The following MAN2A1 variants were observed in gnomAD, a reference collection of about 807,000 sequenced individuals.
The protein encoded by MAN2A1 is mannosidase alpha class 2A member 1.
In MAN2A1, 76 loss-of-function variants were observed where a neutral mutation model predicts 142.6. The ratio of observed to expected loss-of-function variants is 0.53; its 90% confidence interval spans 0.44 to 0.65. The LOEUF (loss-of-function observed/expected upper bound fraction) is 0.65. Ranked by LOEUF, MAN2A1 falls within the 30% of genes least tolerant of loss-of-function variation. The pLI is 0.00. For missense variants in MAN2A1, 1,311 were observed against 1,365.1 expected (o/e 0.96, Z 0.62); for synonymous variants, 559 against 473.2 (o/e 1.18, Z -2.35).
chr5:109,849,751 T>C (rs112256633), intron 19 of MAN2A1, among the ~76,000 whole-genome samples: 2,874 of 152,018 alleles, frequency 0.019, 36 homozygotes, highest in Middle Eastern at 0.071. Flanking sequence ...TATTGCTTCC[T>C]GTTGAACCCT....
intron 9 of MAN2A1, among the ~76,000 whole-genome samples, chr5:109,782,789 A>G (rs960352684): frequency 6.6e-6 from 1 of 152,110 alleles, no homozygotes. Context: ...TCATTATTAT[A>G]GATACATATT....
chr5:109,740,099 CTG>C (rs1228973336), intron 4 of MAN2A1, among the ~76,000 whole-genome samples: 1 of 152,158 alleles, frequency 6.6e-6, no homozygotes, highest in Non-Finnish European at 1.5e-5. Flanking sequence ...GTCTTCAGTT[CTG>C]TGTGTTCAAG....
chr5:109,700,500 A>G (rs1750948126), intron 1 of MAN2A1, among the ~76,000 whole-genome samples: 1 of 152,146 alleles, frequency 6.6e-6, no homozygotes, highest in African/African-American at 2.4e-5. Context: ...CTTGGTGGTA[A>G]CATTTTACCT....
intron 16 of MAN2A1, among the ~76,000 whole-genome samples, chr5:109,833,254 T>G (rs559719722): frequency 2.0e-5 from 3 of 151,154 alleles, no homozygotes; most frequent in East Asian, 2.0e-4. Flanking sequence ...CGCTCCTCGC[T>G]TCCCAGACAG....
chr5:109,833,655 C>T lies in MAN2A1; in HGVS notation c.2567-8673C>T, dbSNP rs142637732. On this transcript the variant is annotated intron_variant, in intron 16 of 21. Transcript: ENST00000261483. ...GCCTCTGCTCGGCATCAGAGGGAGACGGTGGAGAGAGAGGGAGAGGGAGAG... is the reference window on the plus strand; with the variant it reads ...GCCTCTGCTCGGCATCAGAGGGAGATGGTGGAGAGAGAGGGAGAGGGAGAG... 3.5e-4 allele frequency among the ~76,000 whole-genome samples: 29 copies of T among 81,774 alleles called. No homozygotes were observed. The Admixed American group carries it at 4.9e-3, about 14-fold the overall frequency. The allele number at this position is 81,774 out of a possible 152,430, so 53.6% of individuals were successfully genotyped here. A position where few individuals can be genotyped will look rare whatever the true frequency, so the allele number is the denominator to read the frequency against.
chr5:109,716,691 T>G (rs1751461766), intron 3 of MAN2A1, among the ~76,000 whole-genome samples: 1 of 152,178 alleles, frequency 6.6e-6, no homozygotes, highest in Admixed American at 6.5e-5. Flanking sequence ...TTAAGAACCT[T>G]GGTGTTGATT....
At chr5:109,847,006 AT>A (rs1245495072) in intron 18 of MAN2A1, among the ~76,000 whole-genome samples, 3 of 151,286 alleles carry the variant, frequency 2.0e-5, no homozygotes, top group Non-Finnish European at 3.0e-5. Flanking sequence ...GCTAAATTCA[AT>A]TTTTTTTTGA....
chr5:109,773,008 G>A (rs1397869959), intron 7 of MAN2A1, among the ~76,000 whole-genome samples: 1 of 152,054 alleles, frequency 6.6e-6, no homozygotes, highest in East Asian at 1.9e-4. Context: ...TTGATGTTTC[G>A]GGGATTTTAT....
At chr5:109,800,073 G>T (rs1490571379) in intron 12 of MAN2A1, among the ~76,000 whole-genome samples, 1 of 136,764 alleles carries the variant, frequency 7.3e-6, no homozygotes, top group Non-Finnish European at 1.5e-5. Flanking sequence ...GGGCAACAGA[G>T]TGAGACTGTT....
chr5:109,789,475 T>G lies in MAN2A1; in HGVS notation c.1891T>G (p.Ser631Ala). 1.9e-6 allele frequency: 3 copies of G among 1,586,308 alleles called. No individual in the cohort carries two copies. Among genetic ancestry groups the G allele is most frequent in the African/African-American group, 1.4e-5 (1 of 74,052 alleles). The stretch of plus-strand genomic sequence containing the variant: ...ATTTTTATAGGATTTGAAACAAAAA[T>G]CACAAGATTCTCTGCCACAAAAAAA... ...TFLEMDLKQK[S>A]QDSLPQKNII... is the part of the protein sequence containing the mutation. Residue 631 changes from serine to alanine, a missense_variant, in exon 12 of 22, where the codon TCA (serine) becomes GCA (alanine). This residue lies in a region of MAN2A1 where 890 missense variants were observed against 920.5 expected (regional missense o/e 0.97). Coordinates refer to ENST00000261483, the MANE Select transcript of MAN2A1 (RefSeq NM_002372.4).
At chr5:109,763,069 A>AC (rs1247012945) in intron 5 of MAN2A1, among the ~76,000 whole-genome samples, 12 of 152,164 alleles carry the variant, frequency 7.9e-5, no homozygotes, top group African/African-American at 2.9e-4. Flanking sequence ...GCTCAAGTAG[A>AC]CCAGGCCCCT....
At chr5:109,735,877 A>AAT (rs1752078455) in intron 4 of MAN2A1, among the ~76,000 whole-genome samples, 2 of 70,540 alleles carry the variant, frequency 2.8e-5, no homozygotes, top group East Asian at 8.7e-4. Context: ...TTTCCATTGG[A>AAT]GTTTTTTTTT....
At position 109,753,792 on chromosome 5, in the gene MAN2A1, T is replaced by G. The variant is rs116848984; in HGVS notation, c.708-1537T>G. 6.2e-4 allele frequency among the ~76,000 whole-genome samples: 94 copies of G among 152,328 alleles called. No homozygotes were observed. The East Asian group carries it at 0.017, about 28-fold the overall frequency. On this transcript the variant is annotated intron_variant, in intron 4 of 21. Coordinates refer to ENST00000261483, the MANE Select transcript of MAN2A1 (RefSeq NM_002372.4). Reference sequence around the variant, plus strand: ...TAGGCATCCAGTGATGTATGTCCTTTTTAAAGCTGCTTTGCTTCTTTCTGA... The same window carrying G: ...TAGGCATCCAGTGATGTATGTCCTTGTTAAAGCTGCTTTGCTTCTTTCTGA...
intron 4 of MAN2A1, among the ~76,000 whole-genome samples, chr5:109,730,319 A>G (rs1188060540): frequency 6.6e-6 from 1 of 152,090 alleles, no homozygotes; most frequent in Non-Finnish European, 1.5e-5. Context: ...ACTGATTTGT[A>G]GGAGTATTTA....
intron 10 of MAN2A1, among the ~76,000 whole-genome samples, chr5:109,786,364 A>G (rs1277130500): frequency 1.3e-5 from 2 of 152,006 alleles, no homozygotes; most frequent in African/African-American, 2.4e-5. Context: ...TCATTTTCCT[A>G]CACCGCCCAC....
chr5:109,756,393 T>C (rs1752691065), intron 5 of MAN2A1, among the ~76,000 whole-genome samples: 1 of 152,212 alleles, frequency 6.6e-6, no homozygotes, highest in South Asian at 2.1e-4. Context: ...ATAATGTAGT[T>C]TTTTATGTAA....
At chr5:109,837,266 A>G (rs1180724689) in intron 16 of MAN2A1, among the ~76,000 whole-genome samples, 3 of 151,620 alleles carry the variant, frequency 2.0e-5, no homozygotes, top group Admixed American at 6.6e-5. Flanking sequence ...GTGCCATTTT[A>G]AAAGAGAGTT....
chr5:109,748,515 C>G (rs1752464365), intron 4 of MAN2A1, among the ~76,000 whole-genome samples: 1 of 151,516 alleles, frequency 6.6e-6, no homozygotes, highest in South Asian at 2.1e-4. Context: ...ATGGTACTTA[C>G]AGCCTGTTGG....
chr5:109,740,477 G>C (rs1354258157), intron 4 of MAN2A1, among the ~76,000 whole-genome samples: 1 of 152,134 alleles, frequency 6.6e-6, no homozygotes, highest in Non-Finnish European at 1.5e-5. Context: ...ACCTCAGAAG[G>C]AAACTGGGTC....
Sources: allele counts gnomAD v4.1 joint callset (sites outside exome capture counted in the v4.1 genomes callset), GRCh38; gene constraint gnomAD v4.1.1; regional missense constraint gnomAD v4.1.1; transcripts MANE v1.5; gene names NCBI Gene and HGNC (gene_info 2026-07-23, HGNC 2026-07-21).